FGF2: variants seen among roughly 807,000 people sequenced by gnomAD.
FGF2 encodes fibroblast growth factor 2.
In FGF2, 13 loss-of-function variants were observed where a neutral mutation model predicts 15.9. The ratio of observed to expected loss-of-function variants is 0.82; its 90% CI spans 0.53 to 1.30. The LOEUF (loss-of-function observed/expected upper bound fraction) is 1.30, where lower values mean the gene tolerates loss of function less well. Among genes scored for constraint, FGF2 ranks in the 50% most tolerant of loss-of-function variants. The pLI, the probability that FGF2 is intolerant of heterozygous loss-of-function variation, is 0.00. For missense variants in FGF2, 163 were observed against 196.9 expected (o/e 0.83, Z 1.03); for synonymous variants, 90 against 78.4 (o/e 1.15, Z -0.78).
intron 2 of FGF2, chr4:122,884,445 A>G (rs1377446047): frequency 6.6e-6 from 1 of 152,264 alleles, no homozygotes; most frequent in Non-Finnish European, 1.5e-5. Context: ...CAGTGAATCA[A>G]GATCACGCCA....
Position 122,827,127 on chromosome 4 carries a change from C to T in FGF2, c.-48C>T. ...CCGGGGCCGGGGGACGGCGGCTCCC[C>T]GCGCGGCTCCAGCGGCTCGGGGATC... On this transcript the variant is annotated 5_prime_UTR_variant, in exon 1 of 3. Transcript: ENST00000644866. The surrounding 1 kb of genome is among the most constrained non-coding windows in gnomAD (Gnocchi z 4.2). 7.7e-7 allele frequency: 1 copy of T among 1,298,144 alleles called. No homozygotes were observed. The highest frequency in any genetic ancestry group is 2.4e-5 in the South Asian group (1 of 41,620). 80.4% of individuals were successfully genotyped at this position (1,298,144 alleles called of 1,614,324 possible).
intron 1 of FGF2, among the ~76,000 whole-genome samples, chr4:122,828,125 A>G (rs967410487): frequency 3.9e-5 from 6 of 152,216 alleles, no homozygotes; most frequent in African/African-American, 1.2e-4. Context: ...TGAGAATTGC[A>G]GTTTTGCTTT....
chr4:122,860,284 C>T (rs975089740), intron 1 of FGF2, among the ~76,000 whole-genome samples: 13 of 151,882 alleles, frequency 8.6e-5, no homozygotes, highest in Non-Finnish European at 1.9e-4. Context: ...TTTATATATT[C>T]TTGTATCAAG....
chr4:122,858,304 T>G (rs1005309245), intron 1 of FGF2, among the ~76,000 whole-genome samples: 2 of 152,204 alleles, frequency 1.3e-5, no homozygotes, highest in African/African-American at 2.4e-5. Context: ...ATCTTTGTAA[T>G]TTATCTGATT....
chr4:122,869,619 A>C (rs1466961302), intron 1 of FGF2, among the ~76,000 whole-genome samples: 2 of 152,144 alleles, frequency 1.3e-5, no homozygotes, highest in African/African-American at 4.8e-5. Flanking sequence ...GAGTTCATTC[A>C]TGATTTGGCT....
At position 122,897,504 on chromosome 4, in the gene FGF2, C is replaced by A; in HGVS notation, c.*5108C>A. ...GCTCTGAGGTAATTTCTGAAATGTT[C>A]AGACTCAGTCGGAACAAATTGGAAA... On this transcript the variant is annotated 3_prime_UTR_variant, in exon 3 of 3. Transcript: ENST00000644866. 1.4e-6 allele frequency: 1 copy of A among 727,852 alleles called. No homozygotes were observed. Among genetic ancestry groups the A allele is most frequent in the South Asian group, 1.6e-5 (1 of 63,326 alleles). The allele number at this position is 727,852 out of a possible 1,614,324, so 45.1% of individuals were successfully genotyped here.
Position 122,893,667 on chromosome 4 carries a change from T to G in FGF2, c.*1271T>G, listed in dbSNP as rs999845948. 1 of 153,150 alleles carries G rather than the reference T, an allele frequency of 6.5e-6. No homozygotes were observed. Among genetic ancestry groups the G allele is most frequent in the African/African-American group, 2.4e-5 (1 of 41,506 alleles). 9.5% of individuals were successfully genotyped at this position (153,150 alleles called of 1,614,324 possible). On this transcript the variant is annotated 3_prime_UTR_variant, in exon 3 of 3. Transcript: ENST00000644866. ...GGTGTTTGATCAGTTTTCAAGAAACTTGGAATATAAATAATTTTATAATTC... is the reference window on the plus strand; with the variant it reads ...GGTGTTTGATCAGTTTTCAAGAAACGTGGAATATAAATAATTTTATAATTC...
intron 1 of FGF2, among the ~76,000 whole-genome samples, chr4:122,836,226 AAGAATG>A (rs1338272640): frequency 6.6e-6 from 1 of 152,208 alleles, no homozygotes; most frequent in Non-Finnish European, 1.5e-5. Context: ...TGGCCACTCA[AAGAATG>A]TTTGTTAAAT....
intron 1 of FGF2, among the ~76,000 whole-genome samples, chr4:122,828,898 C>G (rs1725704593): frequency 6.6e-6 from 1 of 152,232 alleles, no homozygotes; most frequent in South Asian, 2.1e-4. Flanking sequence ...GCTACGCCAT[C>G]TCAGCTGACA....
At chr4:122,863,196 A>G (rs910920963) in intron 1 of FGF2, among the ~76,000 whole-genome samples, 11 of 152,192 alleles carry the variant, frequency 7.2e-5, no homozygotes, top group South Asian at 4.1e-4. Flanking sequence ...GTCTTCCCCA[A>G]TGAAAGTGTA....
intron 1 of FGF2, among the ~76,000 whole-genome samples, chr4:122,842,061 G>A (rs1725994686): frequency 6.6e-6 from 1 of 152,216 alleles, no homozygotes; most frequent in South Asian, 2.1e-4. Flanking sequence ...GTGGATGAAT[G>A]TTCCTGTTGG....
Position 122,897,689 on chromosome 4 carries a change from A to T in FGF2, c.*5293A>T. 1 of 1,585,230 alleles carries T rather than the reference A, an allele frequency of 6.3e-7. No individual in the cohort carries two copies. Among genetic ancestry groups the T allele is most frequent in the South Asian group, 1.1e-5 (1 of 90,458 alleles). On this transcript the variant is annotated 3_prime_UTR_variant, in exon 3 of 3. Transcript: ENST00000644866. ...CCACATATTTTTCAACTGCAGTATA[A>T]AGTCAGAAAATAAAGTTAACATAAC...
At position 122,892,952 on chromosome 4, in the gene FGF2, C is replaced by G. The variant is rs1442066035; in HGVS notation, c.*556C>G. On this transcript the variant is annotated 3_prime_UTR_variant, in exon 3 of 3. Transcript: ENST00000644866. The stretch of plus-strand genomic sequence containing the variant: ...CAGGTCAATTTTGTCAAACCCTTCT[C>G]TGTACCCATACAGCAGCAGCCTAGC... The G allele has an allele frequency of 6.2e-7, 1 of 1,614,202 alleles. No individual in the cohort carries two copies. Among genetic ancestry groups the G allele is most frequent in the Non-Finnish European group, 8.5e-7 (1 of 1,180,044 alleles).
At chr4:122,859,808 G>A (rs992479166) in intron 1 of FGF2, among the ~76,000 whole-genome samples, 2 of 152,184 alleles carry the variant, frequency 1.3e-5, no homozygotes, top group African/African-American at 4.8e-5. Flanking sequence ...TTTACTCTGA[G>A]TACTACAGTT....
Position 122,888,040 on chromosome 4 carries a change from A to T in FGF2, c.283-4171A>T, listed in dbSNP as rs181587555. ...CTCAGTAAATACTGTCTCCATTTGGATGTCTGATATTCCTCTCAAACTCAA... is the reference window on the plus strand; with the variant it reads ...CTCAGTAAATACTGTCTCCATTTGGTTGTCTGATATTCCTCTCAAACTCAA... On this transcript the variant is annotated intron_variant, in intron 2 of 2. Transcript: ENST00000644866. Among the ~76,000 whole-genome samples, 4 of 152,280 alleles carry T rather than the reference A, an allele frequency of 2.6e-5. No homozygotes were observed. In the East Asian group the frequency reaches 7.7e-4, roughly 29 times the overall value.
chr4:122,843,561 A>C (rs1320365024), intron 1 of FGF2, among the ~76,000 whole-genome samples: 1 of 152,174 alleles, frequency 6.6e-6, no homozygotes. Flanking sequence ...CAGTTAGGAA[A>C]TGATTTCAGT....
At chr4:122,890,266 T>A (rs1727140071) in intron 2 of FGF2, among the ~76,000 whole-genome samples, 1 of 152,216 alleles carries the variant, frequency 6.6e-6, no homozygotes, top group South Asian at 2.1e-4. Context: ...GGTGTTTCAC[T>A]CTTATCACAT....
chr4:122,844,553 CTCTTTTTCTTTCTT>C (rs750795660), intron 1 of FGF2, among the ~76,000 whole-genome samples: 232 of 144,574 alleles, frequency 1.6e-3, no homozygotes, highest in Middle Eastern at 3.5e-3. Context: ...TTCTTTCTTT[CTCTTTTTCTTTCTT>C]TCTTTTTCTT....
chr4:122,827,493 C>A lies in FGF2; in HGVS notation c.178+141C>A. On this transcript the variant is annotated intron_variant, in intron 1 of 2. Transcript: ENST00000644866. This position sits in a 1 kb window ranked among gnomAD's most constrained non-coding sequence, Gnocchi z 4.2. ...TGGTTTCTGGCCGCGCGGCCCTCGGCGGTTTCGGGTTCACCACTCACCCCC... is the reference window on the plus strand; with the variant it reads ...TGGTTTCTGGCCGCGCGGCCCTCGGAGGTTTCGGGTTCACCACTCACCCCC... The A allele has an allele frequency of 2.0e-6, 2 of 981,660 alleles. No homozygotes were observed. The highest frequency in any genetic ancestry group is 1.5e-6 in the Non-Finnish European group (1 of 646,804). The allele number at this position is 981,660 out of a possible 1,614,324, so 60.8% of individuals were successfully genotyped here. A position where few individuals can be genotyped will look rare whatever the true frequency, so the allele number is the denominator to read the frequency against.
Sources: gnomAD v4.1 joint callset for allele counts (sites outside exome capture counted in the v4.1 genomes callset) on GRCh38, gnomAD v4.1.1 for gene constraint, Gnocchi (gnomAD v3.1) non-coding constraint, MANE v1.5 for transcripts, NCBI Gene and HGNC (gene_info 2026-07-23, HGNC 2026-07-21) for gene names.